The following SHROOM3 variants were observed in gnomAD, a reference collection of about 807,000 sequenced individuals.
SHROOM3 encodes the protein shroom family member 3.
A neutral mutation model predicts 138.6 loss-of-function variants in SHROOM3; 47 were observed. That is an observed-to-expected ratio of 0.34 (90% CI 0.27 to 0.43). SHROOM3 has a LOEUF of 0.43. SHROOM3 is among the 20% of genes least tolerant of loss of function. The pLI is 1.00. For synonymous variants in SHROOM3, 1,062 were observed against 1,063.3 expected (o/e 1.00, Z 0.02); for missense variants, 2,491 against 2,596.5 (o/e 0.96, Z 0.88).
Position 76,754,307 on chromosome 4 carries a change from C to T in SHROOM3, c.3828-4C>T. ...GTAACCCTCCTGTCTGTGTGCCGTT[C>T]CAGGTCACTCAGTTGTTCAGAAAGA... On this transcript the variant is annotated splice_region_variant and splice_polypyrimidine_tract_variant and intron_variant, in intron 6 of 10. Coordinates refer to ENST00000296043, the MANE Select transcript of SHROOM3 (RefSeq NM_020859.4). 6.2e-7 allele frequency: 1 copy of T among 1,614,124 alleles called. No individual in the cohort carries two copies. The highest frequency in any genetic ancestry group is 8.5e-7 in the Non-Finnish European group (1 of 1,180,022).
intron 5 of SHROOM3, among the ~76,000 whole-genome samples, chr4:76,743,702 T>C (rs1245726915): frequency 6.6e-6 from 1 of 152,198 alleles, no homozygotes; most frequent in Non-Finnish European, 1.5e-5. Context: ...CCCTCCCAGA[T>C]GTTTTCTGTT....
rs193214313 is a variant in SHROOM3 at position 76,606,106 on chromosome 4, C to T, written c.323+50343C>T. On this transcript the variant is annotated intron_variant, in intron 2 of 10. Transcript: ENST00000296043. The stretch of plus-strand genomic sequence containing the variant: ...TCGGCTCACTGCAACCTCCACCTCC[C>T]GGATTCCAGCGATTCTCCTGCCTCA... 5.4e-5 allele frequency among the ~76,000 whole-genome samples: 8 copies of T among 147,554 alleles called. No individual in the cohort carries two copies. The East Asian group carries it at 1.2e-3, about 22-fold the overall frequency.
At chr4:76,690,372 T>C (rs1259905344) in intron 2 of SHROOM3, among the ~76,000 whole-genome samples, 1 of 152,174 alleles carries the variant, frequency 6.6e-6, no homozygotes, top group Admixed American at 6.5e-5. Context: ...ATTACCTTTT[T>C]CCCCTCTCCC....
chr4:76,442,261 G>A (rs1730707002), intron 1 of SHROOM3, among the ~76,000 whole-genome samples: 1 of 152,100 alleles, frequency 6.6e-6, no homozygotes. Flanking sequence ...AACTTTCTTC[G>A]TACACAGAGA....
intron 2 of SHROOM3, among the ~76,000 whole-genome samples, chr4:76,606,007 A>ATATATT (rs1734611107): frequency 6.4e-5 from 5 of 77,824 alleles, no homozygotes; most frequent in Non-Finnish European, 7.1e-5. Context: ...ATATATATAT[A>ATATATT]TTTTTTTTTT....
intron 2 of SHROOM3, among the ~76,000 whole-genome samples, chr4:76,561,303 T>C (rs1733591463): frequency 6.6e-6 from 1 of 152,160 alleles, no homozygotes; most frequent in African/African-American, 2.4e-5. Flanking sequence ...GTATCAGTGG[T>C]AGATCACATT....
intron 2 of SHROOM3, among the ~76,000 whole-genome samples, chr4:76,625,051 G>A (rs959604354): frequency 1.9e-4 from 29 of 152,134 alleles, no homozygotes; most frequent in African/African-American, 6.3e-4. Context: ...TAAGGAGAGC[G>A]CAGATATTTT....
rs1579231039 is a variant in SHROOM3 at position 76,551,816 on chromosome 4, T to C, written c.169-3793T>C. Among the ~76,000 whole-genome samples the C allele has an allele frequency of 2.0e-5, 3 of 152,160 alleles. No individual in the cohort carries two copies. In the Middle Eastern group the frequency reaches 0.01, roughly 518 times the overall value. On this transcript the variant is annotated intron_variant, in intron 1 of 10. Transcript: ENST00000296043. Reference sequence around the variant, plus strand: ...TTAGATGTCACTTTACATTTATATATTATTTTGTCCACTTGATTATCTGAA... The same window carrying C: ...TTAGATGTCACTTTACATTTATATACTATTTTGTCCACTTGATTATCTGAA...
At chr4:76,693,502 G>A (rs955096452) in intron 2 of SHROOM3, among the ~76,000 whole-genome samples, 6 of 149,770 alleles carry the variant, frequency 4.0e-5, no homozygotes, top group African/African-American at 7.4e-5. Context: ...TCCTGCCTCA[G>A]CCTCCCAAGT....
chr4:76,708,380 T>G (rs1720125657), intron 2 of SHROOM3, among the ~76,000 whole-genome samples: 1 of 121,292 alleles, frequency 8.2e-6, no homozygotes, highest in South Asian at 2.9e-4. Flanking sequence ...CCCAAGACAT[T>G]GTGCAAAAAA....
chr4:76,527,608 A>G (rs531689943), intron 1 of SHROOM3, among the ~76,000 whole-genome samples: 1 of 152,366 alleles, frequency 6.6e-6, no homozygotes, highest in African/African-American at 2.4e-5. Flanking sequence ...ACTAACTCCA[A>G]CTGGGTAAAA....
intron 1 of SHROOM3, among the ~76,000 whole-genome samples, chr4:76,548,478 T>G (rs1358813828): frequency 6.6e-6 from 1 of 152,208 alleles, no homozygotes; most frequent in Non-Finnish European, 1.5e-5. Context: ...TTTCTGTGCC[T>G]CAAAGCACCA....
intron 1 of SHROOM3, among the ~76,000 whole-genome samples, chr4:76,502,474 G>T (rs1042416272): frequency 6.6e-6 from 1 of 152,118 alleles, no homozygotes; most frequent in Non-Finnish European, 1.5e-5. Context: ...CCCTCAACTT[G>T]TGGGACCTGA....
intron 6 of SHROOM3, among the ~76,000 whole-genome samples, chr4:76,753,615 A>G (rs1280863830): frequency 6.6e-6 from 1 of 152,350 alleles, no homozygotes; most frequent in East Asian, 1.9e-4. Flanking sequence ...TTAGAACACA[A>G]TAACAAAAGT....
At chr4:76,539,021 T>C (rs1394400641) in intron 1 of SHROOM3, among the ~76,000 whole-genome samples, 1 of 152,218 alleles carries the variant, frequency 6.6e-6, no homozygotes, top group Non-Finnish European at 1.5e-5. Context: ...TAGAATTAGA[T>C]GGAAGAAGTT....
intron 2 of SHROOM3, among the ~76,000 whole-genome samples, chr4:76,589,695 C>T (rs1251915231): frequency 6.6e-6 from 1 of 152,212 alleles, no homozygotes; most frequent in Non-Finnish European, 1.5e-5. Context: ...AACATGTGTT[C>T]CACATTGCCC....
chr4:76,468,867 T>C (rs1331331606), intron 1 of SHROOM3, among the ~76,000 whole-genome samples: 1 of 151,518 alleles, frequency 6.6e-6, no homozygotes, highest in African/African-American at 2.4e-5. Flanking sequence ...CCATCTCTAC[T>C]AAAAATACAA....
chr4:76,549,418 G>A (rs1733298759), intron 1 of SHROOM3, among the ~76,000 whole-genome samples: 2 of 151,866 alleles, frequency 1.3e-5, no homozygotes, highest in African/African-American at 4.8e-5. Flanking sequence ...GCCCGGGCTG[G>A]AGTGCAGTGG....
chr4:76,740,297 C>A lies in SHROOM3; in HGVS notation c.2124C>A (p.Ala708=). The change falls in exon 5 of 11, where the codon GCC becomes GCA. Residue 708 remains alanine, a synonymous_variant. Coordinates refer to ENST00000296043, the MANE Select transcript of SHROOM3 (RefSeq NM_020859.4). The surrounding 1 kb of genome is among the most constrained non-coding windows in gnomAD (Gnocchi z 4.0). Reference sequence around the variant, plus strand: ...AGGCAGAAGACCCTGGGAGGAAAGCCGCTCCTGACCTCGGGAGCCATCTGG... The same window carrying A: ...AGGCAGAAGACCCTGGGAGGAAAGCAGCTCCTGACCTCGGGAGCCATCTGG... ...NTKAEDPGRK[A]APDLGSHLDR... 1 of 1,613,156 alleles carries A rather than the reference C, an allele frequency of 6.2e-7. No homozygotes were observed. Among genetic ancestry groups the A allele is most frequent in the Non-Finnish European group, 8.5e-7 (1 of 1,180,036 alleles).
Sources: allele counts gnomAD v4.1 joint callset (sites outside exome capture counted in the v4.1 genomes callset), GRCh38; gene constraint gnomAD v4.1.1; non-coding constraint Gnocchi (gnomAD v3.1); transcripts MANE v1.5; gene names NCBI Gene and HGNC (gene_info 2026-07-23, HGNC 2026-07-21).